Variants in CRACDL observed in about 807,000 individuals in gnomAD.
The protein encoded by CRACDL is CRACD like, also known as CRACD-like protein.
CRACDL carries 26 observed loss-of-function variants against 70.6 expected under a neutral mutation model. The ratio of observed to expected loss-of-function variants is 0.37; its 90% CI spans 0.27 to 0.51. The LOEUF (loss-of-function observed/expected upper bound fraction) is 0.51. Among genes scored for constraint, CRACDL ranks in the 20% least tolerant of loss-of-function variants. The pLI, the probability that CRACDL is intolerant of heterozygous loss-of-function variation, is 0.94. For synonymous variants in CRACDL, 618 were observed against 615.2 expected, an observed-to-expected ratio of 1.00 and a Z score of -0.07; for missense variants, 1,283 against 1,376.9, an observed-to-expected ratio of 0.93 and a Z score of 1.08.
chr2:98,891,011 T>C (rs1179458661), intron 1 of CRACDL, among the ~76,000 whole-genome samples: 1 of 150,330 alleles, frequency 6.7e-6, no homozygotes. Flanking sequence ...GAGCCAAGAT[T>C]GTGTCATTCC....
At chr2:98,887,960 T>C (rs1314085127) in intron 1 of CRACDL, among the ~76,000 whole-genome samples, 1 of 152,182 alleles carries the variant, frequency 6.6e-6, no homozygotes, top group African/African-American at 2.4e-5. Context: ...AGTTTTCTTT[T>C]GGGGTGAAGA....
rs534167729 is a variant in CRACDL, at chr2:98,831,512, C to T, written c.540+836G>A. Among the ~76,000 whole-genome samples the T allele has an allele frequency of 1.2e-3, 185 of 152,294 alleles. 2 individuals carry two copies. Among genetic ancestry groups the T allele is most frequent in the Non-Finnish European group, 2.1e-3 (145 of 68,020 alleles). ...GGTGTGTGGCTATAAAAAATAAACT[C>T]TGGCCTTTATTTGTTTTTCAAATGT... On this transcript the variant is annotated intron_variant, in intron 5 of 9. Coordinates refer to ENST00000397899, the MANE Select transcript of CRACDL (RefSeq NM_207362.3).
At chr2:98,854,505 T>C (rs1706621146) in intron 1 of CRACDL, among the ~76,000 whole-genome samples, 1 of 151,900 alleles carries the variant, frequency 6.6e-6, no homozygotes, top group Non-Finnish European at 1.5e-5. Context: ...CTTCTGCTCA[T>C]CAAAAGACAA....
chr2:98,856,589 T>C (rs1706708174), intron 1 of CRACDL, among the ~76,000 whole-genome samples: 1 of 152,074 alleles, frequency 6.6e-6, no homozygotes, highest in African/African-American at 2.4e-5. Context: ...TTCTTCTCAT[T>C]TTTTTTATAG....
chr2:98,879,856 T>C (rs1365865196), intron 1 of CRACDL, among the ~76,000 whole-genome samples: 3 of 152,238 alleles, frequency 2.0e-5, no homozygotes, highest in Non-Finnish European at 2.9e-5. Context: ...TCAGCCTCTG[T>C]ATTTCAAAGA....
chr2:98,906,291 T>A (rs1976766), intron 1 of CRACDL, among the ~76,000 whole-genome samples: 6 of 148,102 alleles, frequency 4.1e-5, no homozygotes, highest in Non-Finnish European at 7.4e-5. Flanking sequence ...GAGACAGAGT[T>A]TCGCTCTGTC....
At chr2:98,824,383 T>C (rs987224121) in intron 6 of CRACDL, among the ~76,000 whole-genome samples, 3 of 150,582 alleles carry the variant, frequency 2.0e-5, no homozygotes, top group African/African-American at 7.3e-5. Context: ...CCCCCTTCTC[T>C]GGCCTCCTGA....
intron 1 of CRACDL, among the ~76,000 whole-genome samples, chr2:98,889,309 A>AAGAG (rs1296612245): frequency 1.8e-5 from 1 of 54,644 alleles, no homozygotes; most frequent in African/African-American, 1.7e-4. Flanking sequence ...GAAAGAAAGA[A>AAGAG]AGAAAGAAAG....
chr2:98,835,679 A>G (rs933768078), intron 3 of CRACDL, among the ~76,000 whole-genome samples: 1 of 152,226 alleles, frequency 6.6e-6, no homozygotes. Flanking sequence ...CATTACTCTG[A>G]GGGTGGATCA....
At chr2:98,892,545 CCGGGTGTGG>C (rs1408727250) in intron 1 of CRACDL, among the ~76,000 whole-genome samples, 2 of 151,772 alleles carry the variant, frequency 1.3e-5, no homozygotes, top group Non-Finnish European at 2.9e-5. Flanking sequence ...CAAAAATTAG[CCGGGTGTGG>C]CGGCAGGCAC....
At chr2:98,818,131 C>T (rs1575341386) in intron 7 of CRACDL, among the ~76,000 whole-genome samples, 1 of 152,288 alleles carries the variant, frequency 6.6e-6, no homozygotes, top group South Asian at 2.1e-4. Flanking sequence ...TAATGTTCTG[C>T]ACAAATGAAC....
intron 3 of CRACDL, among the ~76,000 whole-genome samples, chr2:98,837,587 A>G (rs931150485): frequency 3.3e-5 from 5 of 152,164 alleles, no homozygotes; most frequent in African/African-American, 1.2e-4. Flanking sequence ...TTACAAAAAT[A>G]AGGATTTCTT....
chr2:98,820,157 C>T (rs1417598176), intron 7 of CRACDL, among the ~76,000 whole-genome samples: 13 of 151,936 alleles, frequency 8.6e-5, no homozygotes, highest in African/African-American at 1.9e-4. Flanking sequence ...TGGAAAACTT[C>T]TCCCTAGGGC....
At chr2:98,870,682 G>A (rs1320924339) in intron 1 of CRACDL, among the ~76,000 whole-genome samples, 4 of 152,168 alleles carry the variant, frequency 2.6e-5, no homozygotes, top group Non-Finnish European at 5.9e-5. Flanking sequence ...CCAGCAACAC[G>A]AGCTGGCCAA....
At chr2:98,895,904 T>C (rs1438168303) in intron 1 of CRACDL, among the ~76,000 whole-genome samples, 1 of 152,166 alleles carries the variant, frequency 6.6e-6, no homozygotes, top group Non-Finnish European at 1.5e-5. Flanking sequence ...GAGAGCTCGC[T>C]TGCCCCTTCC....
intron 1 of CRACDL, among the ~76,000 whole-genome samples, chr2:98,889,222 GGAAA>G (rs905538836): frequency 6.3e-5 from 9 of 143,034 alleles, no homozygotes; most frequent in South Asian, 2.2e-4. Context: ...GGGGAAGGAA[GGAAA>G]GAAAGAAAGA....
At chr2:98,812,484 G>A (rs1180410068) in intron 7 of CRACDL, among the ~76,000 whole-genome samples, 1 of 152,030 alleles carries the variant, frequency 6.6e-6, no homozygotes, top group Non-Finnish European at 1.5e-5. Flanking sequence ...ACTCTAATGA[G>A]AATTGCATTT....
In CRACDL at chr2:98,832,483, C is replaced by A; in HGVS notation, c.405G>T (p.Gly135=). The change falls in exon 5 of 10, where the codon GGG becomes GGT. Residue 135 remains glycine, a synonymous_variant. Transcript: ENST00000397899. The stretch of plus-strand genomic sequence containing the variant: ...GAAGCCCCCCTGGAGGAGGTGGTGG[C>A]CCCATTTTCACATTACACTGTATTT... ...QLKIQCNVKM[G]PPPPPGGLPA... The A allele has an allele frequency of 1.2e-6, 2 of 1,611,556 alleles. No individual in the cohort carries two copies. Among genetic ancestry groups the A allele is most frequent in the South Asian group, 1.1e-5 (1 of 90,854 alleles).
At chr2:98,906,221 T>C (rs1395433930) in intron 1 of CRACDL, among the ~76,000 whole-genome samples, 1 of 152,156 alleles carries the variant, frequency 6.6e-6, no homozygotes. Flanking sequence ...CAAACTGCTC[T>C]TAGATCCATC....
Sources: gnomAD v4.1 joint callset for allele counts (sites outside exome capture counted in the v4.1 genomes callset) on GRCh38, gnomAD v4.1.1 for gene constraint, MANE v1.5 for transcripts, NCBI Gene and HGNC (gene_info 2026-07-23, HGNC 2026-07-21) for gene names.